TCF7L1: variants seen among roughly 807,000 people sequenced by gnomAD.
The protein encoded by TCF7L1 is transcription factor 7-like 1.
In TCF7L1, 18 loss-of-function variants were observed where a neutral mutation model predicts 63.7. The ratio of observed to expected loss-of-function variants is 0.28; its 90% CI spans 0.20 to 0.42. TCF7L1 has a LOEUF of 0.42. Among genes scored for constraint, TCF7L1 ranks in the 10% least tolerant of loss-of-function variants. TCF7L1 has a pLI of 1.00. For synonymous variants in TCF7L1, 355 were observed against 340.9 expected, an observed-to-expected ratio of 1.04 and a Z score of -0.46; for missense variants, 654 against 779.3, an observed-to-expected ratio of 0.84 and a Z score of 1.91.
At position 85,306,373 on chromosome 2, in the gene TCF7L1, C is replaced by T. The variant is rs1285784404; in HGVS notation, c.1149+8C>T. The T allele has an allele frequency of 1.2e-6, 2 of 1,613,632 alleles. No individual in the cohort carries two copies. Among genetic ancestry groups the T allele is most frequent in the African/African-American group, 2.7e-5 (2 of 74,924 alleles). On this transcript the variant is annotated splice_region_variant and intron_variant, in intron 9 of 11. Coordinates refer to ENST00000282111, the MANE Select transcript of TCF7L1 (RefSeq NM_031283.3). This position sits in a 1 kb window ranked among gnomAD's most constrained non-coding sequence, Gnocchi z 4.3. ...CAGATCCTTGGAAGAAAGGTAAGAC[C>T]TGCCCTCTCCCTCCAGGCCAGGGAG... is the stretch of plus-strand genomic sequence containing the variant.
chr2:85,245,422 G>T (rs568953618), intron 3 of TCF7L1, among the ~76,000 whole-genome samples: 1 of 152,292 alleles, frequency 6.6e-6, no homozygotes, highest in African/African-American at 2.4e-5. Flanking sequence ...TGGCTGACAA[G>T]GCTTCCCACT....
At chr2:85,179,522 C>A (rs1177126790) in intron 3 of TCF7L1, among the ~76,000 whole-genome samples, 1 of 152,182 alleles carries the variant, frequency 6.6e-6, no homozygotes, top group Non-Finnish European at 1.5e-5. Flanking sequence ...TTCTCATCTT[C>A]CCCCTCCAAA....
chr2:85,246,562 G>A (rs1276420231), intron 3 of TCF7L1, among the ~76,000 whole-genome samples: 2 of 152,196 alleles, frequency 1.3e-5, no homozygotes, highest in African/African-American at 2.4e-5. Flanking sequence ...GGCTTATTGA[G>A]GTGATGGATT....
chr2:85,184,062 C>T (rs2104254429), intron 3 of TCF7L1, among the ~76,000 whole-genome samples: 1 of 152,254 alleles, frequency 6.6e-6, no homozygotes, highest in Admixed American at 6.5e-5. Context: ...AAGTTCTCTC[C>T]TCTTCTCAGT....
chr2:85,141,218 G>GTC (rs898651613), intron 3 of TCF7L1, among the ~76,000 whole-genome samples: 2 of 71,026 alleles, frequency 2.8e-5, no homozygotes, highest in Non-Finnish European at 5.4e-5. Context: ...TTGGGTGACA[G>GTC]ACAGTGAGAC....
At chr2:85,298,498 AAAAAG>A (rs1486024642) in intron 4 of TCF7L1, among the ~76,000 whole-genome samples, 1 of 151,128 alleles carries the variant, frequency 6.6e-6, no homozygotes, top group Non-Finnish European at 1.5e-5. Context: ...AAAAAAAAAA[AAAAAG>A]CATGTGAGAG....
At chr2:85,257,263 A>G (rs1186661780) in intron 3 of TCF7L1, among the ~76,000 whole-genome samples, 1 of 152,146 alleles carries the variant, frequency 6.6e-6, no homozygotes, top group Non-Finnish European at 1.5e-5. Context: ...TTATGTATAC[A>G]TATTACACCT....
chr2:85,301,153 T>C (rs968987935), intron 4 of TCF7L1, among the ~76,000 whole-genome samples: 2 of 152,244 alleles, frequency 1.3e-5, no homozygotes, highest in Non-Finnish European at 2.9e-5. Context: ...ACATAATTTC[T>C]GTCCTTTCTC....
chr2:85,187,966 A>T (rs1415397767), intron 3 of TCF7L1, among the ~76,000 whole-genome samples: 1 of 152,234 alleles, frequency 6.6e-6, no homozygotes, highest in Admixed American at 6.5e-5. Flanking sequence ...AGAAAAAATT[A>T]TTGATCACAT....
Position 85,227,992 on chromosome 2 carries a change from CAAAAAAA to C in TCF7L1, c.442-55485_442-55479del, listed in dbSNP as rs34769307. ...GAGTGACAGAGCAAGACCCTGTCTC[CAAAAAAA>C]AAAAAAAAAAAAAAAAATTAGTCAC... On this transcript the variant is annotated intron_variant, in intron 3 of 11. Coordinates refer to ENST00000282111, the MANE Select transcript of TCF7L1 (RefSeq NM_031283.3). Among the ~76,000 whole-genome samples the C allele has an allele frequency of 6.8e-4, 54 of 79,526 alleles. 1 individual carries two copies. The highest frequency in any genetic ancestry group is 2.0e-3 in the African/African-American group (41 of 20,938). The allele number at this position is 79,526 out of a possible 152,430, so 52.2% of individuals were successfully genotyped here.
At chr2:85,148,925 C>A (rs556891999) in intron 3 of TCF7L1, among the ~76,000 whole-genome samples, 2 of 152,096 alleles carry the variant, frequency 1.3e-5, no homozygotes, top group Admixed American at 1.3e-4. Flanking sequence ...ATTATAGGCG[C>A]CTGCCACCAC....
chr2:85,192,805 A>C (rs1156612708), intron 3 of TCF7L1, among the ~76,000 whole-genome samples: 1 of 151,660 alleles, frequency 6.6e-6, no homozygotes, highest in Non-Finnish European at 1.5e-5. Flanking sequence ...CTCCCGAGTA[A>C]GTGGGATACA....
chr2:85,208,832 G>A (rs1048489425), intron 3 of TCF7L1, among the ~76,000 whole-genome samples: 4 of 152,114 alleles, frequency 2.6e-5, no homozygotes, highest in African/African-American at 9.7e-5. Flanking sequence ...TTGAAAATGT[G>A]AATTTTTTTA....
rs368002061 is a variant in TCF7L1, at chr2:85,306,954, G to A, written c.1257+395G>A. 3.3e-5 allele frequency among the ~76,000 whole-genome samples: 5 copies of A among 152,316 alleles called. No homozygotes were observed. Among genetic ancestry groups the A allele is most frequent in the East Asian group, 1.9e-4 (1 of 5,168 alleles). On this transcript the variant is annotated intron_variant, in intron 10 of 11. Coordinates refer to ENST00000282111, the MANE Select transcript of TCF7L1 (RefSeq NM_031283.3). The surrounding 1 kb of genome is among the most constrained non-coding windows in gnomAD (Gnocchi z 4.3). ...GCTGGGATTACAGGCGTGAGCCACC[G>A]CGCCCGGCCAGCGACTGCATTTATA...
chr2:85,240,928 A>T (rs1680306218), intron 3 of TCF7L1, among the ~76,000 whole-genome samples: 1 of 152,230 alleles, frequency 6.6e-6, no homozygotes, highest in Non-Finnish European at 1.5e-5. Context: ...AAACTATGGT[A>T]ATAGTAAAAG....
chr2:85,142,605 T>C (rs188406875), intron 3 of TCF7L1, among the ~76,000 whole-genome samples: 18 of 152,236 alleles, frequency 1.2e-4, no homozygotes, highest in Non-Finnish European at 2.1e-4. Context: ...CTTAAGAGCA[T>C]ATAGAAAACC....
At chr2:85,186,437 G>A (rs1678926627) in intron 3 of TCF7L1, 1 of 147,536 alleles carries the variant, frequency 6.8e-6, no homozygotes, top group African/African-American at 2.6e-5. Context: ...AGAGCATATG[G>A]GCCCACACTG....
rs74642841 is a variant in TCF7L1 at position 85,230,332 on chromosome 2, G to T, written c.442-53163G>T. Among the ~76,000 whole-genome samples, 1,435 of 152,104 alleles carry T rather than the reference G, an allele frequency of 9.4e-3. 13 individuals are homozygous for T. Among genetic ancestry groups the T allele is most frequent in the Admixed American group, 0.021 (321 of 15,256 alleles). On this transcript the variant is annotated intron_variant, in intron 3 of 11. Transcript: ENST00000282111. ...TAGATTTGGGCTCATTGAGTAAAAGGCTAGAAACATCTTTTTTTGAGACAG... is the reference window on the plus strand; with the variant it reads ...TAGATTTGGGCTCATTGAGTAAAAGTCTAGAAACATCTTTTTTTGAGACAG...
At chr2:85,231,162 C>A (rs1680067529) in intron 3 of TCF7L1, among the ~76,000 whole-genome samples, 1 of 152,166 alleles carries the variant, frequency 6.6e-6, no homozygotes, top group Admixed American at 6.5e-5. Flanking sequence ...GGAAGCCAGG[C>A]CTGTTGAGGT....
Sources: allele counts gnomAD v4.1 joint callset (sites outside exome capture counted in the v4.1 genomes callset), GRCh38; gene constraint gnomAD v4.1.1; non-coding constraint Gnocchi (gnomAD v3.1); transcripts MANE v1.5; gene names NCBI Gene and HGNC (gene_info 2026-07-23, HGNC 2026-07-21).